The following ADHFE1 variants were observed in gnomAD, a reference collection of about 807,000 sequenced individuals.
ADHFE1 encodes alcohol dehydrogenase iron containing 1, also known as hydroxyacid-oxoacid transhydrogenase, mitochondrial.
In ADHFE1, 37 loss-of-function variants were observed where a neutral mutation model predicts 54.8. The ratio of observed to expected loss-of-function variants is 0.68; its 90% CI spans 0.52 to 0.89. ADHFE1 has a LOEUF of 0.89. Ranked by LOEUF, ADHFE1 falls within the 40% of genes least tolerant of loss-of-function variation. The pLI, the probability that ADHFE1 is intolerant of heterozygous loss-of-function variation, is 0.00. For synonymous variants in ADHFE1, 203 were observed against 229.3 expected, an observed-to-expected ratio of 0.89 and a Z score of 1.04; for missense variants, 601 against 591.2, an observed-to-expected ratio of 1.02 and a Z score of -0.17.
chr8:66,467,038 C>G (rs1054969492), intron 13 of ADHFE1, among the ~76,000 whole-genome samples: 9 of 151,950 alleles, frequency 5.9e-5, no homozygotes, highest in Non-Finnish European at 1.2e-4. Context: ...AAAAAAATCA[C>G]TTTGGCTGCT....
intron 12 of ADHFE1, among the ~76,000 whole-genome samples, chr8:66,459,015 C>T (rs1469205350): frequency 1.3e-5 from 2 of 152,168 alleles, no homozygotes; most frequent in African/African-American, 4.8e-5. Flanking sequence ...CCCAGCCAGC[C>T]CCGTATCTGG....
chr8:66,444,814 C>T (rs1052113718), intron 5 of ADHFE1, 66 bp downstream of exon 5: 19 of 1,589,184 alleles, frequency 1.2e-5, no homozygotes, highest in Non-Finnish European at 1.5e-5. Context: ...TTAAAACTTG[C>T]CCCCAACCAG....
intron 1 of ADHFE1, among the ~76,000 whole-genome samples, chr8:66,437,034 C>T (rs561306733): frequency 3.9e-5 from 6 of 151,952 alleles, no homozygotes; most frequent in African/African-American, 7.2e-5. Context: ...TCAGTTGAGT[C>T]GGGGTAAAAG....
chr8:66,456,853 G>T lies in ADHFE1; in HGVS notation c.1023G>T (p.Lys341Asn), dbSNP rs141310107. The change falls in exon 11 of 14, where the codon AAG becomes AAT. Residue 341 changes from lysine to asparagine, a missense_variant. Lys to Asn is a moderately conservative substitution (Grantham distance 94). Coordinates refer to ENST00000396623, the MANE Select transcript of ADHFE1 (RefSeq NM_144650.3). ...CTTACCCAATTTCAGGTTTAGTGAAGATGTATAAAGCAAAGGATTACAATG... is the reference window on the plus strand; with the variant it reads ...CTTACCCAATTTCAGGTTTAGTGAATATGTATAAAGCAAAGGATTACAATG... ...GMSYPISGLV[K>N]MYKAKDYNVD... 1 of 1,607,324 alleles carries T rather than the reference G, an allele frequency of 6.2e-7. No homozygotes were observed. The highest frequency in any genetic ancestry group is 8.5e-7 in the Non-Finnish European group (1 of 1,177,308).
chr8:66,454,210 T>G (rs1806454627), intron 10 of ADHFE1, 53 bp downstream of exon 10: 4 of 1,575,372 alleles, frequency 2.5e-6, no homozygotes, highest in Non-Finnish European at 3.5e-6. Context: ...TTTAAAAAAT[T>G]TTTAATGTTT....
chr8:66,451,508 A>C (rs775211766), intron 8 of ADHFE1, among the ~76,000 whole-genome samples: 9 of 152,114 alleles, frequency 5.9e-5, no homozygotes, highest in Non-Finnish European at 8.8e-5. Flanking sequence ...ATTCTCACTC[A>C]TTACACTGTA....
intron 5 of ADHFE1, 39 bp downstream of exon 5, chr8:66,444,787 C>A (rs925952374): frequency 2.5e-6 from 4 of 1,609,788 alleles, no homozygotes; most frequent in Non-Finnish European, 3.4e-6. Context: ...TTACTTTAAG[C>A]AGAAGCTAAC....
chr8:66,441,335 A>G (rs908596137), intron 2 of ADHFE1, among the ~76,000 whole-genome samples: 1 of 152,190 alleles, frequency 6.6e-6, no homozygotes, highest in South Asian at 2.1e-4. Context: ...CTCCTGGGCT[A>G]TCCTACCACC....
chr8:66,438,160 A>G (rs1374810398), intron 1 of ADHFE1, among the ~76,000 whole-genome samples: 1 of 152,150 alleles, frequency 6.6e-6, no homozygotes, highest in Non-Finnish European at 1.5e-5. Flanking sequence ...CCCCGACTAC[A>G]GTGTGGGGAA....
At chr8:66,441,800 C>G (rs1361819100) in intron 2 of ADHFE1, among the ~76,000 whole-genome samples, 3 of 151,766 alleles carry the variant, frequency 2.0e-5, no homozygotes, top group African/African-American at 7.3e-5. Flanking sequence ...TGTGAAACCC[C>G]GTCCCTACTA....
chr8:66,445,503 A>G lies in ADHFE1; in HGVS notation c.550+89A>G, dbSNP rs1805981854. The G allele has an allele frequency of 5.5e-6, 7 of 1,274,956 alleles. No homozygotes were observed. In the East Asian group the frequency reaches 1.5e-4, roughly 27 times the overall value. 79.0% of individuals were successfully genotyped at this position (1,274,956 alleles called of 1,614,324 possible). A position where few individuals can be genotyped will look rare whatever the true frequency, so the allele number is the denominator to read the frequency against. ...GCAAGCCAGTCCTTTTAACATACAC[A>G]TTTCGAAAGCTTTCTGGTTTGTTCA... On this transcript the variant is annotated intron_variant, in intron 6 of 13. Transcript: ENST00000396623.
rs575387462 is a variant in ADHFE1 at position 66,464,121 on chromosome 8, G to A, written c.1320+3656G>A. ...TTGTTATTTCATGAACGTGCTAAAA[G>A]TAGATGTCTGAATTTATTTCGTTCC... On this transcript the variant is annotated intron_variant, in intron 13 of 13. Coordinates refer to ENST00000396623, the MANE Select transcript of ADHFE1 (RefSeq NM_144650.3). Among the ~76,000 whole-genome samples, 8 of 152,330 alleles carry A rather than the reference G, an allele frequency of 5.3e-5. No homozygotes were observed. In the South Asian group the frequency reaches 1.4e-3, roughly 28 times the overall value.
At chr8:66,463,784 C>T (rs930205022) in intron 13 of ADHFE1, among the ~76,000 whole-genome samples, 6 of 152,180 alleles carry the variant, frequency 3.9e-5, no homozygotes, top group African/African-American at 1.4e-4. Context: ...ATGTAGTTGA[C>T]ATTTGATGAA....
chr8:66,465,113 A>T (rs768725138), intron 13 of ADHFE1, among the ~76,000 whole-genome samples: 2 of 152,168 alleles, frequency 1.3e-5, no homozygotes, highest in African/African-American at 4.8e-5. Flanking sequence ...TTATGCATTT[A>T]CCTATTGATA....
Position 66,466,058 on chromosome 8 carries a change from TC to T in ADHFE1, c.1321-2208del, listed in dbSNP as rs1807163200. Among the ~76,000 whole-genome samples the T allele has an allele frequency of 2.0e-5, 3 of 151,262 alleles. No homozygotes were observed. The South Asian group carries it at 6.2e-4, about 31-fold the overall frequency. On this transcript the variant is annotated intron_variant, in intron 13 of 13. Coordinates refer to ENST00000396623, the MANE Select transcript of ADHFE1 (RefSeq NM_144650.3). The stretch of plus-strand genomic sequence containing the variant: ...TTTATCTGTTTTTTTTTTTCTTTTT[TC>T]CCTGTGCTTTTTCTTTTTTTTCTTT...
chr8:66,466,363 G>A (rs138175325), intron 13 of ADHFE1, among the ~76,000 whole-genome samples: 10 of 151,484 alleles, frequency 6.6e-5, no homozygotes, highest in East Asian at 1.9e-4. Flanking sequence ...TGGGACCACC[G>A]CACTGGACTC....
At chr8:66,458,351 G>T (rs536115830) in intron 12 of ADHFE1, among the ~76,000 whole-genome samples, 1 of 152,288 alleles carries the variant, frequency 6.6e-6, no homozygotes, top group East Asian at 1.9e-4. Flanking sequence ...GCTGTGCTGG[G>T]AATGTTAATG....
At chr8:66,454,530 C>T (rs892437196) in intron 10 of ADHFE1, among the ~76,000 whole-genome samples, 2 of 151,958 alleles carry the variant, frequency 1.3e-5, no homozygotes, top group African/African-American at 4.8e-5. Flanking sequence ...ACATACTATA[C>T]AATTCACCCA....
intron 1 of ADHFE1, among the ~76,000 whole-genome samples, chr8:66,437,905 CAGA>C (rs1805548228): frequency 6.6e-6 from 1 of 152,140 alleles, no homozygotes; most frequent in Non-Finnish European, 1.5e-5. Flanking sequence ...AAAAGTTATC[CAGA>C]AGAAGAGGCA....
Sources: gnomAD v4.1 joint callset for allele counts (sites outside exome capture counted in the v4.1 genomes callset) on GRCh38, gnomAD v4.1.1 for gene constraint, MANE v1.5 for transcripts, NCBI Gene and HGNC (gene_info 2026-07-23, HGNC 2026-07-21) for gene names.